The following ARHGEF10 variants were observed in gnomAD, a reference collection of about 807,000 sequenced individuals.
ARHGEF10 encodes the protein Rho guanine nucleotide exchange factor 10, also known as Rho guanine nucleotide exchange factor (GEF) 10.
Under a neutral mutation model 147.4 loss-of-function variants are expected in ARHGEF10, and 140 were observed. That is an observed-to-expected ratio of 0.95 (90% CI 0.83 to 1.09). The LOEUF is 1.09. ARHGEF10 is among the 50% of genes least tolerant of loss of function. The pLI, the probability that ARHGEF10 is intolerant of heterozygous loss-of-function variation, is 0.00. For missense variants in ARHGEF10, 2,222 were observed against 1,752.7 expected (o/e 1.27, Z -4.78); for synonymous variants, 902 against 695.8 (o/e 1.30, Z -4.67).
intron 3 of ARHGEF10, among the ~76,000 whole-genome samples, chr8:1,858,600 G>A (rs1018440861): frequency 4.6e-5 from 7 of 152,338 alleles, no homozygotes; most frequent in African/African-American, 1.4e-4. Context: ...GTGGGATGAA[G>A]TAGCTGTAGA....
chr8:1,923,802 G>T lies in ARHGEF10; in HGVS notation c.2416G>T (p.Val806Leu). Residue 806 changes from valine (V) to leucine (L), a missense_variant, in exon 21 of 29, where the codon GTG (valine) becomes TTG (leucine). By Grantham distance (32) the Val-to-Leu change is conservative. Transcript: ENST00000349830. ...KSGRPTFFTA[V>L]FNTFTPAIKE... ...TGGGCGACCGACGTTCTTTACAGCT[G>T]TGTTCAATACGTTCACCCCTGCCAT... 1 of 1,614,162 alleles carries T rather than the reference G, an allele frequency of 6.2e-7. No homozygotes were observed. The highest frequency in any genetic ancestry group is 8.5e-7 in the Non-Finnish European group (1 of 1,180,034).
In ARHGEF10 at chr8:1,957,245, C is replaced by G. The variant is rs1815659156; in HGVS notation, c.4017C>G (p.Ile1339Met). ...ELAPTVMVWQ[I>M]PLLNI ...CGCCGACCGTCATGGTCTGGCAGAT[C>G]CCTCTGCTGAATATATAAGCAGGAC... The change falls in exon 29 of 29, where the codon ATC becomes ATG. Residue 1339 changes from isoleucine to methionine, a missense_variant. Transcript: ENST00000349830. 1 of 1,611,020 alleles carries G rather than the reference C, an allele frequency of 6.2e-7. No individual in the cohort carries two copies. Among genetic ancestry groups the G allele is most frequent in the Non-Finnish European group, 8.5e-7 (1 of 1,179,784 alleles).
At chr8:1,833,391 C>A (rs1803381157) in intron 1 of ARHGEF10, among the ~76,000 whole-genome samples, 1 of 110,540 alleles carries the variant, frequency 9.0e-6, no homozygotes, top group Non-Finnish European at 2.0e-5. Context: ...GGTGCAGCGA[C>A]AGGGGCAGAG....
intron 26 of ARHGEF10, among the ~76,000 whole-genome samples, chr8:1,942,109 T>G (rs1202141532): frequency 1.3e-5 from 2 of 151,572 alleles, no homozygotes; most frequent in African/African-American, 4.9e-5. Context: ...TGTGGAAAAA[T>G]AAGATACACT....
At chr8:1,873,960 A>G (rs1044923677) in intron 7 of ARHGEF10, among the ~76,000 whole-genome samples, 9 of 152,230 alleles carry the variant, frequency 5.9e-5, no homozygotes, top group South Asian at 2.1e-4. Context: ...TGTACAGCCA[A>G]TGCCTCCATA....
At chr8:1,888,731 G>GA (rs1470189207) in intron 11 of ARHGEF10, among the ~76,000 whole-genome samples, 13 of 59,696 alleles carry the variant, frequency 2.2e-4, no homozygotes, top group East Asian at 1.6e-3. Flanking sequence ...AATAGGGTGA[G>GA]GTTTGTGAGG....
rs957289548 is a variant in ARHGEF10 at position 1,860,248 on chromosome 8, G to A, written c.481+64G>A. ...GTGGTTCCCTCCTCTCCACGCCCCC[G>A]AAGTGGCCTGTGGTTCCCTCCTCTG... On this transcript the variant is annotated intron_variant, in intron 4 of 28. Coordinates refer to ENST00000349830, the MANE Select transcript of ARHGEF10 (RefSeq NM_014629.4). 8.4e-5 allele frequency: 128 copies of A among 1,517,502 alleles called. 2 individuals carry two copies. The highest frequency in any genetic ancestry group is 2.2e-4 in the Middle Eastern group (1 of 4,530). The allele number at this position is 1,517,502 out of a possible 1,614,324, so 94.0% of individuals were successfully genotyped here.
chr8:1,935,160 T>C (rs1338802788), intron 26 of ARHGEF10, among the ~76,000 whole-genome samples: 3 of 152,094 alleles, frequency 2.0e-5, no homozygotes, highest in Admixed American at 1.3e-4. Context: ...CACTGCAAAA[T>C]TGAATGAAAA....
intron 18 of ARHGEF10, among the ~76,000 whole-genome samples, chr8:1,915,952 C>G (rs1811731455): frequency 6.6e-6 from 1 of 152,224 alleles, no homozygotes; most frequent in African/African-American, 2.4e-5. Flanking sequence ...CAGAAACCTT[C>G]TATTCAGGGT....
chr8:1,914,141 G>A lies in ARHGEF10; in HGVS notation c.2143+4671G>A, dbSNP rs185251268. On this transcript the variant is annotated intron_variant, in intron 18 of 28. Coordinates refer to ENST00000349830, the MANE Select transcript of ARHGEF10 (RefSeq NM_014629.4). Reference sequence around the variant, plus strand: ...TGACTTACAGTCTTTAAATAGAAGTGAGCCCGGCCGAAGGAAGCTTGAACA... The same window carrying A: ...TGACTTACAGTCTTTAAATAGAAGTAAGCCCGGCCGAAGGAAGCTTGAACA... Among the ~76,000 whole-genome samples the A allele has an allele frequency of 5.3e-5, 8 of 152,364 alleles. No homozygotes were observed. The East Asian group carries it at 1.5e-3, about 29-fold the overall frequency.
intron 10 of ARHGEF10, among the ~76,000 whole-genome samples, chr8:1,884,429 T>TC (rs1808485322): frequency 6.7e-6 from 1 of 150,350 alleles, no homozygotes; most frequent in Non-Finnish European, 1.5e-5. Flanking sequence ...ATCCCTAACC[T>TC]CCCAACCCGA....
chr8:1,839,094 G>T (rs1399030408), intron 1 of ARHGEF10, among the ~76,000 whole-genome samples: 1 of 151,806 alleles, frequency 6.6e-6, no homozygotes, highest in Non-Finnish European at 1.5e-5. Flanking sequence ...GAAGCTGTCT[G>T]GTGTGGGGAG....
chr8:1,895,289 A>C (rs1809882636), intron 13 of ARHGEF10, among the ~76,000 whole-genome samples: 1 of 152,244 alleles, frequency 6.6e-6, no homozygotes, highest in African/African-American at 2.4e-5. Context: ...GTAGAGGATT[A>C]TGAGTGAAAC....
intron 2 of ARHGEF10, among the ~76,000 whole-genome samples, chr8:1,855,232 A>G (rs572536297): frequency 4.2e-4 from 64 of 152,168 alleles, no homozygotes; most frequent in Non-Finnish European, 7.9e-4. Flanking sequence ...GTCTAGGTGT[A>G]TTTTATCTAA....
chr8:1,843,358 C>T lies in ARHGEF10; in HGVS notation c.-42C>T. ...AGTGTCTCTCCTTCTTGCAGGAGCT[C>T]CTTCCCTTAACAGAGCTGAGAGAGG... On this transcript the variant is annotated 5_prime_UTR_variant, in exon 2 of 29. Coordinates refer to ENST00000349830, the MANE Select transcript of ARHGEF10 (RefSeq NM_014629.4). 6.2e-7 allele frequency: 1 copy of T among 1,612,164 alleles called. No homozygotes were observed. The highest frequency in any genetic ancestry group is 8.5e-7 in the Non-Finnish European group (1 of 1,179,826).
chr8:1,832,355 C>CAGGCAGAGACAGAGACAGAGGCAG (rs1803172742), intron 1 of ARHGEF10, among the ~76,000 whole-genome samples: 1 of 133,352 alleles, frequency 7.5e-6, no homozygotes, highest in Non-Finnish European at 1.6e-5. Context: ...GAGACAGAGA[C>CAGGCAGAGACAGAGACAGAGGCAG]AGGCAGAGAC....
intron 8 of ARHGEF10, among the ~76,000 whole-genome samples, chr8:1,879,559 T>G (rs564668340): frequency 2.0e-5 from 3 of 146,606 alleles, no homozygotes; most frequent in Non-Finnish European, 3.0e-5. Flanking sequence ...TTATCTCTCT[T>G]TTTTTTTTTT....
At chr8:1,851,412 G>A (rs1021636271) in intron 2 of ARHGEF10, among the ~76,000 whole-genome samples, 2 of 152,028 alleles carry the variant, frequency 1.3e-5, no homozygotes, top group African/African-American at 4.8e-5. Flanking sequence ...CCAGGAGCGA[G>A]GCCTAACACA....
At chr8:1,928,367 G>C in intron 23 of ARHGEF10, 60 bp from the exon 24 acceptor site, 1 of 1,514,114 alleles carries the variant, frequency 6.6e-7, no homozygotes, top group South Asian at 1.1e-5. Context: ...TCAGGTTCCA[G>C]CGTATTATGG....
Sources: allele counts gnomAD v4.1 joint callset (sites outside exome capture counted in the v4.1 genomes callset), GRCh38; gene constraint gnomAD v4.1.1; transcripts MANE v1.5; gene names NCBI Gene and HGNC (gene_info 2026-07-23, HGNC 2026-07-21).